Variants in CCDC18 observed in about 807,000 individuals in gnomAD.
The protein encoded by CCDC18 is coiled-coil domain-containing protein 18.
CCDC18 carries 157 observed loss-of-function variants against 196.0 expected under a neutral mutation model. That is an observed-to-expected ratio of 0.80 (90% CI 0.70 to 0.91). The LOEUF (loss-of-function observed/expected upper bound fraction) is 0.91. Ranked by LOEUF, CCDC18 falls within the 40% of genes least tolerant of loss-of-function variation. The pLI is 0.00. For synonymous variants in CCDC18, 482 were observed against 529.2 expected (o/e 0.91, Z 1.22); for missense variants, 1,465 against 1,611.6 (o/e 0.91, Z 1.56).
At chr1:93,272,797 T>A (rs952869323) in intron 28 of CCDC18, among the ~76,000 whole-genome samples, 3 of 152,238 alleles carry the variant, frequency 2.0e-5, no homozygotes, top group African/African-American at 7.2e-5. Context: ...TTTTTTGTTT[T>A]GCTTTTTAAC....
chr1:93,211,665 T>A lies in CCDC18; in HGVS notation c.1335-436T>A, dbSNP rs939647144. On this transcript the variant is annotated intron_variant, in intron 10 of 28. Coordinates refer to ENST00000690025, the MANE Select transcript of CCDC18 (RefSeq NM_001378204.1). ...TCATTCATATTGAGATAGAGTAGATTAACAAATGGATTTGTGTAATTACTT... is the reference window on the plus strand; with the variant it reads ...TCATTCATATTGAGATAGAGTAGATAAACAAATGGATTTGTGTAATTACTT... Among the ~76,000 whole-genome samples, 5 of 152,338 alleles carry A rather than the reference T, an allele frequency of 3.3e-5. No homozygotes were observed. The South Asian group carries it at 1.0e-3, about 32-fold the overall frequency.
intron 11 of CCDC18, 96 bp from the exon 12 acceptor site, chr1:93,214,647 A>C (rs1656195335): frequency 1.2e-6 from 1 of 803,386 alleles, no homozygotes; most frequent in East Asian, 2.6e-5. Flanking sequence ...TTAGATCAGA[A>C]ACTAAACTTT....
chr1:93,227,971 A>AAAATATATAT (rs57726461), intron 17 of CCDC18, among the ~76,000 whole-genome samples: 1 of 125,354 alleles, frequency 8.0e-6, no homozygotes, highest in Non-Finnish European at 1.6e-5. Flanking sequence ...AAAAAAAAAA[A>AAAATATATAT]ATATATATAT....
At chr1:93,234,936 A>AGTGTGT (rs3223482) in intron 18 of CCDC18, among the ~76,000 whole-genome samples, 7,514 of 119,224 alleles carry the variant, frequency 0.063, 272 homozygotes, top group African/African-American at 0.076. Context: ...CCCAGCTAAG[A>AGTGTGT]GTGTGTGTGT....
At chr1:93,182,108 G>A (rs1018925804) in intron 1 of CCDC18, among the ~76,000 whole-genome samples, 1 of 152,170 alleles carries the variant, frequency 6.6e-6, no homozygotes, top group East Asian at 1.9e-4. Flanking sequence ...ACTTGTCTGC[G>A]AGAGTCTTGT....
chr1:93,180,540 C>T, upstream of CCDC18: 1 of 1,505,030 alleles, frequency 6.6e-7, no homozygotes, highest in South Asian at 1.1e-5. Flanking sequence ...CATGGCTTCC[C>T]CCACCAATGG....
chr1:93,232,684 T>C (rs1659429913), intron 18 of CCDC18, 91 bp downstream of exon 18: 3 of 1,033,198 alleles, frequency 2.9e-6, no homozygotes, highest in African/African-American at 3.3e-5. Context: ...TTTAAATTGC[T>C]GTTTGGCCAG....
intron 28 of CCDC18, among the ~76,000 whole-genome samples, chr1:93,278,087 A>G (rs1263294390): frequency 6.6e-6 from 1 of 152,000 alleles, no homozygotes; most frequent in Non-Finnish European, 1.5e-5. Flanking sequence ...CCAAGGTTCA[A>G]GTGATTCTCC....
At chr1:93,204,339 G>A (rs1654358387) in intron 7 of CCDC18, among the ~76,000 whole-genome samples, 1 of 152,158 alleles carries the variant, frequency 6.6e-6, no homozygotes, top group African/African-American at 2.4e-5. Context: ...TGAATTAAAT[G>A]TCTTTGGTCT....
chr1:93,210,274 G>A (rs1655397777), intron 9 of CCDC18, among the ~76,000 whole-genome samples: 1 of 152,202 alleles, frequency 6.6e-6, no homozygotes. Flanking sequence ...CAAACATACA[G>A]AAAGGTGCAT....
intron 7 of CCDC18, among the ~76,000 whole-genome samples, chr1:93,203,313 A>T (rs1454388681): frequency 1.3e-5 from 2 of 152,182 alleles, no homozygotes; most frequent in East Asian, 3.8e-4. Context: ...TTAAGAAAAA[A>T]AGTTAATGAG....
chr1:93,278,450 T>G lies in CCDC18; in HGVS notation c.4354-13T>G. On this transcript the variant is annotated splice_polypyrimidine_tract_variant and intron_variant, in intron 28 of 28. Transcript: ENST00000690025. ...TATTTCAAATATTAATCTATTATTT[T>G]GCATTATTCTAGGGAGAAAATGTGT... 1 of 1,114,990 alleles carries G rather than the reference T, an allele frequency of 9.0e-7. No individual in the cohort carries two copies. Among genetic ancestry groups the G allele is most frequent in the Non-Finnish European group, 1.2e-6 (1 of 801,554 alleles). The allele number at this position is 1,114,990 out of a possible 1,614,324, so 69.1% of individuals were successfully genotyped here.
intron 23 of CCDC18, among the ~76,000 whole-genome samples, chr1:93,247,291 A>G (rs1035114891): frequency 6.6e-6 from 1 of 152,176 alleles, no homozygotes; most frequent in African/African-American, 2.4e-5. Flanking sequence ...TGCTTTAAAT[A>G]GGATTGCCTT....
intron 16 of CCDC18, among the ~76,000 whole-genome samples, chr1:93,222,630 TCACTGTAAC>T (rs1657630504): frequency 1.3e-5 from 2 of 152,166 alleles, no homozygotes; most frequent in South Asian, 4.1e-4. Flanking sequence ...GCTTACCCAC[TCACTGTAAC>T]CTTAGCCAGG....
At position 93,192,052 on chromosome 1, in the gene CCDC18, A is replaced by G; in HGVS notation, c.515A>G (p.Glu172Gly). ...CAGGCAGCCAGTGTCCCAATCTTAG[A>G]AGAACAGATTATAAATTTGGAAGCA... The part of the protein sequence containing the change: ...QQQAASVPIL[E>G]EQIINLEAEV... The change falls in exon 5 of 29, where the codon GAA (glutamate) becomes GGA (glycine). Residue 172 changes from glutamate (E) to glycine (G), a missense_variant. By Grantham distance (98) the Glu-to-Gly change is moderately conservative (BLOSUM62 -2). Coordinates refer to ENST00000690025, the MANE Select transcript of CCDC18 (RefSeq NM_001378204.1). The G allele has an allele frequency of 6.2e-7, 1 of 1,614,018 alleles. No homozygotes were observed. The highest frequency in any genetic ancestry group is 8.5e-7 in the Non-Finnish European group (1 of 1,179,892).
chr1:93,194,267 T>C (rs1340925076), intron 6 of CCDC18, among the ~76,000 whole-genome samples: 1 of 152,170 alleles, frequency 6.6e-6, no homozygotes, highest in Non-Finnish European at 1.5e-5. Context: ...TAAGTAGCTC[T>C]GTCCAAGGAA....
chr1:93,266,724 C>T (rs1166034160), intron 27 of CCDC18, among the ~76,000 whole-genome samples: 1 of 152,170 alleles, frequency 6.6e-6, no homozygotes, highest in East Asian at 1.9e-4. Context: ...GACACATACA[C>T]CCTCCCAAGA....
rs570865039 is a variant in CCDC18 at position 93,268,438 on chromosome 1, T to G, written c.3886-1909T>G. 4.6e-4 allele frequency among the ~76,000 whole-genome samples: 70 copies of G among 152,126 alleles called. 1 individual carries two copies. The highest frequency in any genetic ancestry group is 5.1e-4 in the Non-Finnish European group (35 of 68,010). On this transcript the variant is annotated intron_variant, in intron 27 of 28. Transcript: ENST00000690025. ...CAAAAACCAAAATAGACAAATGGGA[T>G]CTAATTAAAGAGCTTCTGCACAGCA...
chr1:93,255,769 G>GAAGAGGAA (rs1553184487), intron 24 of CCDC18, among the ~76,000 whole-genome samples: 2 of 145,120 alleles, frequency 1.4e-5, no homozygotes, highest in African/African-American at 5.4e-5. Context: ...AAGAAGAGGA[G>GAAGAGGAA]GAAGAGGAAG....
Sources: gnomAD v4.1 joint callset for allele counts (sites outside exome capture counted in the v4.1 genomes callset) on GRCh38, gnomAD v4.1.1 for gene constraint, MANE v1.5 for transcripts, NCBI Gene and HGNC (gene_info 2026-07-23, HGNC 2026-07-21) for gene names.